The following ASPRV1 variants were observed in gnomAD, a reference collection of about 807,000 sequenced individuals.
ASPRV1 encodes the protein retroviral-like aspartic protease 1.
A neutral mutation model predicts 11.0 loss-of-function variants in ASPRV1; 7 were observed. The observed-to-expected ratio is 0.64, with a 90% CI of 0.36 to 1.20. ASPRV1 has a LOEUF of 1.20. ASPRV1 is among the 50% of genes most tolerant of loss of function. ASPRV1 has a pLI of 0.02. For synonymous variants in ASPRV1, 136 were observed against 138.4 expected, an observed-to-expected ratio of 0.98 and a Z score of 0.12; for missense variants, 299 against 320.0, an observed-to-expected ratio of 0.93 and a Z score of 0.50.
chr2:69,937,464 C>T, the ASPRV1 span: 35 of 1,415,100 alleles, frequency 2.5e-5, no homozygotes, highest in African/African-American at 2.5e-4. Flanking sequence ...TTCAGTACTG[C>T]GGACAGGAGG....
the ASPRV1 span, chr2:69,938,297 T>C: frequency 1.2e-6 from 2 of 1,612,674 alleles, no homozygotes; most frequent in South Asian, 2.2e-5. Context: ...GAGTGGGCAC[T>C]GCGGCTGTCT....
chr2:70,065,032 T>C, the ASPRV1 span, among the ~76,000 whole-genome samples: 7 of 151,846 alleles, frequency 4.6e-5, no homozygotes, highest in African/African-American at 1.2e-4. Context: ...GAGACAGACA[T>C]TGCAGTAAGC....
At chr2:70,034,695 G>A in the ASPRV1 span, among the ~76,000 whole-genome samples, 3 of 152,170 alleles carry the variant, frequency 2.0e-5, no homozygotes, top group African/African-American at 7.2e-5. Flanking sequence ...CAATATAACT[G>A]TTAGATCATC....
chr2:70,025,333 G>C, the ASPRV1 span, among the ~76,000 whole-genome samples: 5 of 152,096 alleles, frequency 3.3e-5, no homozygotes, highest in African/African-American at 1.2e-4. Context: ...TGAGGCAGGA[G>C]AACCACTTGA....
the ASPRV1 span, among the ~76,000 whole-genome samples, chr2:70,026,577 A>C: frequency 6.6e-6 from 1 of 152,064 alleles, no homozygotes; most frequent in African/African-American, 2.4e-5. Flanking sequence ...ACAAAACAAA[A>C]TCAAGAAAGG....
the ASPRV1 span, among the ~76,000 whole-genome samples, chr2:69,969,713 C>T: frequency 2.6e-5 from 4 of 152,136 alleles, no homozygotes; most frequent in Non-Finnish European, 5.9e-5. Flanking sequence ...AGTGAACATG[C>T]TGTCTTCTCA....
chr2:70,056,625 A>AAAAAAAAAAAAAAAG, the ASPRV1 span: 20 of 145,280 alleles, frequency 1.4e-4, no homozygotes, highest in East Asian at 1.5e-3. Context: ...AAAAAAAAAA[A>AAAAAAAAAAAAAAAG]GTGGTTAAAA....
chr2:70,019,744 G>T, the ASPRV1 span, among the ~76,000 whole-genome samples: 30 of 152,258 alleles, frequency 2.0e-4, no homozygotes, highest in African/African-American at 7.0e-4. Flanking sequence ...TAAAATGGTG[G>T]TTACCAGAGG....
the ASPRV1 span, among the ~76,000 whole-genome samples, chr2:69,996,281 A>G: frequency 6.6e-6 from 1 of 150,504 alleles, no homozygotes; most frequent in Non-Finnish European, 1.5e-5. Flanking sequence ...GGTCCCAGCT[A>G]CTTGGGAGGC....
At chr2:70,044,784 T>C in the ASPRV1 span, among the ~76,000 whole-genome samples, 1 of 152,170 alleles carries the variant, frequency 6.6e-6, no homozygotes, top group Non-Finnish European at 1.5e-5. Context: ...TACTCAGTAA[T>C]CATTCACTGC....
chr2:70,079,584 G>GA, the ASPRV1 span, among the ~76,000 whole-genome samples: 3 of 151,150 alleles, frequency 2.0e-5, no homozygotes, highest in African/African-American at 7.3e-5. Flanking sequence ...TGAAGAATAA[G>GA]AAAAAAAAAG....
chr2:69,984,609 G>GTT, the ASPRV1 span, among the ~76,000 whole-genome samples: 1 of 106,176 alleles, frequency 9.4e-6, no homozygotes, highest in African/African-American at 3.9e-5. Flanking sequence ...TTCAGGTCCA[G>GTT]CTTTTTTTTT....
the ASPRV1 span, among the ~76,000 whole-genome samples, chr2:70,078,592 G>A: frequency 6.6e-6 from 1 of 152,014 alleles, no homozygotes; most frequent in African/African-American, 2.4e-5. Context: ...GGCAGAAAAA[G>A]CAACTACAAA....
chr2:70,079,513 T>C, the ASPRV1 span, among the ~76,000 whole-genome samples: 1 of 150,944 alleles, frequency 6.6e-6, no homozygotes, highest in Non-Finnish European at 1.5e-5. Flanking sequence ...AGGAAAAGAG[T>C]GTAGACAGAG....
upstream of ASPRV1, chr2:69,961,747 C>G (rs562111669): frequency 5.3e-6 from 8 of 1,497,332 alleles, no homozygotes; most frequent in African/African-American, 2.8e-5. Flanking sequence ...AGCATCCGGC[C>G]GGACTAGCAG....
At chr2:70,078,333 G>A in the ASPRV1 span, among the ~76,000 whole-genome samples, 2 of 152,064 alleles carry the variant, frequency 1.3e-5, no homozygotes, top group Admixed American at 1.3e-4. Context: ...ACAATGCCTG[G>A]CACAAGCAGA....
chr2:70,019,753 G>A, the ASPRV1 span, among the ~76,000 whole-genome samples: 1 of 152,172 alleles, frequency 6.6e-6, no homozygotes, highest in African/African-American at 2.4e-5. Flanking sequence ...GGTTACCAGA[G>A]GGTGGCGGGT....
chr2:70,068,490 A>T, the ASPRV1 span, among the ~76,000 whole-genome samples: 33 of 152,170 alleles, frequency 2.2e-4, no homozygotes, highest in African/African-American at 8.0e-4. Context: ...TTCTAGGGGT[A>T]TCTAGAGGAG....
chr2:70,075,261 A>G, the ASPRV1 span: 1 of 147,850 alleles, frequency 6.8e-6, no homozygotes, highest in Non-Finnish European at 1.5e-5. Flanking sequence ...GGCGCCTGCC[A>G]CTATGCCCAG....
Sources: allele counts gnomAD v4.1 joint callset (sites outside exome capture counted in the v4.1 genomes callset), GRCh38; gene constraint gnomAD v4.1.1; transcripts MANE v1.5; gene names NCBI Gene and HGNC (gene_info 2026-07-23, HGNC 2026-07-21).